NCOA7: variants seen among roughly 807,000 people sequenced by gnomAD.
NCOA7 encodes nuclear receptor coactivator 7.
NCOA7 carries 45 observed loss-of-function variants against 104.3 expected under a neutral mutation model. That is an observed-to-expected ratio of 0.43 (90% CI 0.34 to 0.55). The LOEUF is 0.55. Among genes scored for constraint, NCOA7 ranks in the 20% least tolerant of loss-of-function variants. NCOA7 has a pLI of 0.02. For missense variants in NCOA7, 1,041 were observed against 1,119.7 expected (o/e 0.93, Z 1.00); for synonymous variants, 398 against 402.3 (o/e 0.99, Z 0.13).
At chr6:125,907,925 C>T (rs930337371) in intron 10 of NCOA7, among the ~76,000 whole-genome samples, 10 of 152,256 alleles carry the variant, frequency 6.6e-5, no homozygotes, top group East Asian at 3.9e-4. Flanking sequence ...TAAGTGTTTA[C>T]GACTCTAAGC....
At chr6:125,888,534 T>G (rs1583467693) in intron 8 of NCOA7, among the ~76,000 whole-genome samples, 1 of 88,862 alleles carries the variant, frequency 1.1e-5, no homozygotes, top group African/African-American at 6.5e-5. Context: ...AGGAAAATGT[T>G]TGCACATTTA....
intron 2 of NCOA7, among the ~76,000 whole-genome samples, chr6:125,815,690 C>A (rs910591597): frequency 6.6e-6 from 1 of 152,212 alleles, no homozygotes; most frequent in East Asian, 1.9e-4. Flanking sequence ...CCATGTTTAG[C>A]AACCTACCTT....
intron 2 of NCOA7, among the ~76,000 whole-genome samples, chr6:125,817,458 A>C (rs1046960958): frequency 1.3e-5 from 2 of 152,112 alleles, no homozygotes; most frequent in East Asian, 3.9e-4. Flanking sequence ...TATCTTAGCT[A>C]TTCTGATAAG....
At chr6:125,887,581 T>A (rs1464377241) in intron 8 of NCOA7, among the ~76,000 whole-genome samples, 1 of 152,210 alleles carries the variant, frequency 6.6e-6, no homozygotes, top group South Asian at 2.1e-4. Flanking sequence ...TTATTTTCTA[T>A]TGGAAAAAGC....
intron 1 of NCOA7, among the ~76,000 whole-genome samples, chr6:125,805,277 T>C (rs1776338983): frequency 6.6e-6 from 1 of 151,948 alleles, no homozygotes; most frequent in Admixed American, 6.6e-5. Context: ...GTATTTTTAG[T>C]AGAGATGAGG....
At chr6:125,886,263 C>G (rs895824192) in intron 8 of NCOA7, among the ~76,000 whole-genome samples, 1 of 151,946 alleles carries the variant, frequency 6.6e-6, no homozygotes, top group South Asian at 2.1e-4. Context: ...CTGGTCCACT[C>G]AGCCCTTCCC....
chr6:125,902,111 G>T (rs563917403), intron 10 of NCOA7, among the ~76,000 whole-genome samples: 53 of 152,112 alleles, frequency 3.5e-4, no homozygotes, highest in Admixed American at 9.8e-4. Context: ...AGTAACATTT[G>T]GGGGGAAAAA....
At chr6:125,885,540 A>G (rs1784187355) in intron 8 of NCOA7, among the ~76,000 whole-genome samples, 197 bp downstream of exon 8, 1 of 152,220 alleles carries the variant, frequency 6.6e-6, no homozygotes. Context: ...TTGAACATAT[A>G]AAGATTAAAG....
At chr6:125,791,513 G>T (rs999998977) in intron 1 of NCOA7, among the ~76,000 whole-genome samples, 3 of 152,216 alleles carry the variant, frequency 2.0e-5, no homozygotes, top group African/African-American at 7.2e-5. Context: ...TGTAGAAGTC[G>T]CTGTGGATTT....
In NCOA7 at chr6:125,928,911, A is replaced by G. The variant is rs1788285002; in HGVS notation, c.*140A>G. ...CTTTCTGCCATCATCTCAGAGCATG[A>G]TCACATTGCAGAAAGATTCTGGAAG... is the stretch of plus-strand genomic sequence containing the variant. On this transcript the variant is annotated 3_prime_UTR_variant, in exon 16 of 16. Transcript: ENST00000392477. 1.1e-6 allele frequency: 1 copy of G among 881,220 alleles called. No individual in the cohort carries two copies. The highest frequency in any genetic ancestry group is 3.2e-5 in the Admixed American group (1 of 31,544). The allele number at this position is 881,220 out of a possible 1,614,324, so 54.6% of individuals were successfully genotyped here.
At chr6:125,865,859 C>A (rs1782405521) in intron 3 of NCOA7, among the ~76,000 whole-genome samples, 1 of 134,844 alleles carries the variant, frequency 7.4e-6, no homozygotes. Flanking sequence ...TTCTTTCTTT[C>A]TTTTCTTTTG....
At chr6:125,847,440 A>T (rs1434965983) in intron 2 of NCOA7, among the ~76,000 whole-genome samples, 2 of 152,234 alleles carry the variant, frequency 1.3e-5, no homozygotes, top group Non-Finnish European at 2.9e-5. Flanking sequence ...ACATTGAGCA[A>T]TGCCATACAA....
intron 10 of NCOA7, among the ~76,000 whole-genome samples, chr6:125,893,932 G>C (rs1784806386): frequency 6.6e-6 from 1 of 152,136 alleles, no homozygotes; most frequent in Non-Finnish European, 1.5e-5. Flanking sequence ...CTCCAGTGCA[G>C]CTTGCAAAAT....
chr6:125,827,388 C>T (rs1030749473), intron 2 of NCOA7, among the ~76,000 whole-genome samples: 5 of 152,048 alleles, frequency 3.3e-5, no homozygotes, highest in African/African-American at 9.7e-5. Flanking sequence ...ATGGCAATTA[C>T]ATTTCAACAT....
At chr6:125,838,828 A>T (rs909086482) in intron 2 of NCOA7, among the ~76,000 whole-genome samples, 2 of 152,112 alleles carry the variant, frequency 1.3e-5, no homozygotes, top group Admixed American at 1.3e-4. Flanking sequence ...GGACTCAGGA[A>T]AACACTTTTC....
At chr6:125,893,900 G>A (rs759104913) in intron 10 of NCOA7, among the ~76,000 whole-genome samples, 14 of 151,996 alleles carry the variant, frequency 9.2e-5, no homozygotes, top group Non-Finnish European at 1.5e-4. Flanking sequence ...TTAAATACTC[G>A]TCAACCTTAT....
At chr6:125,821,180 TATTATCATCTTTCTGC>T (rs1778141379) in intron 2 of NCOA7, among the ~76,000 whole-genome samples, 1 of 152,154 alleles carries the variant, frequency 6.6e-6, no homozygotes, top group African/African-American at 2.4e-5. Context: ...TGAGTAGAAG[TATTATCATCTTTCTGC>T]ATGCCTTGAT....
intron 3 of NCOA7, among the ~76,000 whole-genome samples, chr6:125,856,440 C>T (rs1219338774): frequency 6.6e-6 from 1 of 152,028 alleles, no homozygotes; most frequent in Non-Finnish European, 1.5e-5. Context: ...GTAAGCTCTG[C>T]CTCCCGGGTT....
chr6:125,845,708 A>C (rs1411108871), intron 2 of NCOA7, among the ~76,000 whole-genome samples: 3 of 152,168 alleles, frequency 2.0e-5, no homozygotes, highest in Non-Finnish European at 1.5e-5. Context: ...CGGAGGTTGC[A>C]GTGAGCCAAG....
Sources: gnomAD v4.1 joint callset for allele counts (sites outside exome capture counted in the v4.1 genomes callset) on GRCh38, gnomAD v4.1.1 for gene constraint, MANE v1.5 for transcripts, NCBI Gene and HGNC (gene_info 2026-07-23, HGNC 2026-07-21) for gene names.